Variants in DGKB observed in about 807,000 individuals in gnomAD.
DGKB encodes the protein 90 kDa diacylglycerol kinase.
DGKB carries 67 observed loss-of-function variants against 114.3 expected under a neutral mutation model. The observed-to-expected ratio is 0.59, with a 90% CI of 0.48 to 0.72. The LOEUF (loss-of-function observed/expected upper bound fraction) is 0.72, where lower values mean the gene tolerates loss of function less well. DGKB is among the 30% of genes least tolerant of loss of function. DGKB has a pLI of 0.00. For synonymous variants in DGKB, 398 were observed against 323.1 expected (o/e 1.23, Z -2.49); for missense variants, 907 against 975.2 (o/e 0.93, Z 0.93).
intron 23 of DGKB, among the ~76,000 whole-genome samples, chr7:14,232,362 A>G (rs1038146741): frequency 1.6e-5 from 2 of 125,668 alleles, no homozygotes; most frequent in South Asian, 2.5e-4. Flanking sequence ...CAAAATCTAG[A>G]GTAAGTTAGT....
At chr7:14,215,342 A>G (rs1221278028) in intron 23 of DGKB, among the ~76,000 whole-genome samples, 1 of 152,132 alleles carries the variant, frequency 6.6e-6, no homozygotes, top group African/African-American at 2.4e-5. Context: ...CTCAAGGGTA[A>G]AAAAGAGGCA....
At chr7:14,743,006 T>C (rs1832779465) in intron 4 of DGKB, among the ~76,000 whole-genome samples, 1 of 152,192 alleles carries the variant, frequency 6.6e-6, no homozygotes, top group Admixed American at 6.5e-5. Context: ...GGATATTATA[T>C]GTTTTTTTCT....
intron 2 of DGKB, among the ~76,000 whole-genome samples, chr7:14,825,212 C>T (rs908598910): frequency 6.6e-6 from 1 of 151,332 alleles, no homozygotes; most frequent in Non-Finnish European, 1.5e-5. Flanking sequence ...ATCACTGGTC[C>T]CCAGACTTTT....
chr7:14,888,071 G>A (rs549101405), intron 1 of DGKB, among the ~76,000 whole-genome samples: 26 of 151,822 alleles, frequency 1.7e-4, no homozygotes, highest in Middle Eastern at 3.4e-3. Flanking sequence ...CAATGACAAA[G>A]GAGGACAGAG....
chr7:14,237,378 G>T (rs1792961928), intron 23 of DGKB, among the ~76,000 whole-genome samples: 1 of 151,078 alleles, frequency 6.6e-6, no homozygotes, highest in Non-Finnish European at 1.5e-5. Context: ...ACTTCCTTCT[G>T]GTTTGTGTAT....
At chr7:14,631,008 A>G (rs1324125527) in intron 13 of DGKB, among the ~76,000 whole-genome samples, 5 of 151,828 alleles carry the variant, frequency 3.3e-5, no homozygotes, top group African/African-American at 4.8e-5. Flanking sequence ...TAGTTGACAA[A>G]TCACACACAC....
intron 12 of DGKB, among the ~76,000 whole-genome samples, chr7:14,674,198 A>G (rs376144351): frequency 1.3e-5 from 2 of 152,262 alleles, no homozygotes; most frequent in Middle Eastern, 3.4e-3. Flanking sequence ...ACATGAAATA[A>G]ACGTATCTTT....
At chr7:14,567,234 TTATATTATA>T (rs1797582338) in intron 20 of DGKB, among the ~76,000 whole-genome samples, 1 of 55,596 alleles carries the variant, frequency 1.8e-5, no homozygotes, top group South Asian at 4.2e-4. Flanking sequence ...ATATATATAA[TTATATTATA>T]TATATTATAT....
Position 14,338,413 on chromosome 7 carries a change from A to G in DGKB, c.2122+102T>C, listed in dbSNP as rs992753027. On this transcript the variant is annotated intron_variant, in intron 23 of 25. Transcript: ENST00000402815. ...TAATATGAAAAATACAACTGTAAAA[A>G]TATATAAATTATTATAGTGCAACGG... 19 of 625,102 alleles carry G rather than the reference A, an allele frequency of 3.0e-5. No individual in the cohort carries two copies. The African/African-American group carries it at 3.1e-4, about 10-fold the overall frequency. The allele number at this position is 625,102 out of a possible 1,614,324, so 38.7% of individuals were successfully genotyped here. A position where few individuals can be genotyped will look rare whatever the true frequency, so the allele number is the denominator to read the frequency against.
At chr7:14,732,426 C>G (rs1005895934) in intron 5 of DGKB, among the ~76,000 whole-genome samples, 1 of 151,708 alleles carries the variant, frequency 6.6e-6, no homozygotes, top group African/African-American at 2.4e-5. Context: ...TATTGCAAAG[C>G]AAGATTCTAT....
chr7:14,810,210 A>T (rs1271794883), intron 2 of DGKB, among the ~76,000 whole-genome samples: 2 of 152,190 alleles, frequency 1.3e-5, no homozygotes, highest in East Asian at 3.9e-4. Flanking sequence ...ACAAGCACCC[A>T]TGGTGCCATT....
chr7:14,432,246 C>T (rs1273643356), intron 21 of DGKB, among the ~76,000 whole-genome samples: 9 of 152,030 alleles, frequency 5.9e-5, no homozygotes. Flanking sequence ...TGCTGTTGCC[C>T]TATCATCGCT....
At chr7:14,861,405 G>T (rs138615407) in intron 1 of DGKB, among the ~76,000 whole-genome samples, 1,845 of 151,906 alleles carry the variant, frequency 0.012, 29 homozygotes, top group Admixed American at 0.018. Context: ...TTAGCAATAA[G>T]CTTTCAAATA....
intron 12 of DGKB, among the ~76,000 whole-genome samples, chr7:14,681,037 C>T (rs1386313181): frequency 6.6e-6 from 1 of 150,580 alleles, no homozygotes; most frequent in Admixed American, 6.6e-5. Context: ...GAAATATTCA[C>T]TATATGAAAA....
intron 1 of DGKB, among the ~76,000 whole-genome samples, chr7:14,889,763 C>A (rs1211073399): frequency 6.6e-6 from 1 of 151,430 alleles, no homozygotes; most frequent in Non-Finnish European, 1.5e-5. Flanking sequence ...CCACTCCAAA[C>A]TGACAAAAAC....
chr7:14,271,002 C>A (rs536306846), intron 23 of DGKB, among the ~76,000 whole-genome samples: 5 of 152,132 alleles, frequency 3.3e-5, no homozygotes, highest in African/African-American at 4.8e-5. Context: ...GAACTACTAA[C>A]GTGTTAACTG....
chr7:14,520,813 T>A lies in DGKB; in HGVS notation c.1771-42588A>T, dbSNP rs533797882. Among the ~76,000 whole-genome samples the A allele has an allele frequency of 3.3e-4, 50 of 152,196 alleles. No homozygotes were observed. The South Asian group carries it at 4.8e-3, about 15-fold the overall frequency. On this transcript the variant is annotated intron_variant, in intron 20 of 25. Coordinates refer to ENST00000402815, the MANE Select transcript of DGKB (RefSeq NM_001350709.2). ...CGTTCTGCATTCATTTGGTAGGGTG[T>A]TTAATAGAAGTCGATAAATGCCAGC... is the stretch of plus-strand genomic sequence containing the variant.
intron 1 of DGKB, among the ~76,000 whole-genome samples, chr7:14,908,419 A>G (rs1424777936): frequency 6.6e-6 from 1 of 152,188 alleles, no homozygotes; most frequent in Non-Finnish European, 1.5e-5. Context: ...AGTTGTATTG[A>G]TATGGACTTG....
chr7:14,401,979 CACACACACCCG>C (rs1823179869), intron 21 of DGKB, among the ~76,000 whole-genome samples: 3 of 145,170 alleles, frequency 2.1e-5, no homozygotes, highest in Middle Eastern at 3.4e-3. Context: ...CACACACACA[CACACACACCCG>C]CTATTCAGCT....
Sources: gnomAD v4.1 joint callset for allele counts (sites outside exome capture counted in the v4.1 genomes callset) on GRCh38, gnomAD v4.1.1 for gene constraint, MANE v1.5 for transcripts, NCBI Gene and HGNC (gene_info 2026-07-23, HGNC 2026-07-21) for gene names.